INPP4B: variants seen among roughly 807,000 people sequenced by gnomAD.
INPP4B encodes the protein inositol polyphosphate 4-phosphatase type II.
Under a neutral mutation model 122.5 loss-of-function variants are expected in INPP4B, and 55 were observed. The ratio of observed to expected loss-of-function variants is 0.45; its 90% CI spans 0.36 to 0.56. The LOEUF is 0.56. INPP4B is among the 20% of genes least tolerant of loss of function. INPP4B has a pLI of 0.00. For missense variants in INPP4B, 1,000 were observed against 1,097.7 expected (o/e 0.91, Z 1.26); for synonymous variants, 403 against 388.7 (o/e 1.04, Z -0.43).
intron 12 of INPP4B, among the ~76,000 whole-genome samples, chr4:142,222,929 A>G (rs1274198366): frequency 6.6e-6 from 1 of 152,240 alleles, no homozygotes; most frequent in East Asian, 1.9e-4. Flanking sequence ...ACATTGTTTT[A>G]CCATGTATAT....
At chr4:142,270,545 T>A in intron 10 of INPP4B, 118 bp downstream of exon 10, 4 of 702,890 alleles carry the variant, frequency 5.7e-6, no homozygotes, top group Admixed American at 2.2e-5. Flanking sequence ...AGAGCTGTTG[T>A]CCCATTTAGG....
chr4:142,213,940 A>G (rs1430596740), intron 12 of INPP4B, among the ~76,000 whole-genome samples: 1 of 152,208 alleles, frequency 6.6e-6, no homozygotes, highest in African/African-American at 2.4e-5. Context: ...TCGGTGCAGT[A>G]GGACAGATGA....
rs556256980 is a variant in INPP4B at position 142,704,030 on chromosome 4, C to T, written c.-191+21809G>A. On this transcript the variant is annotated intron_variant, in intron 2 of 25. Coordinates refer to ENST00000262992, the MANE Select transcript of INPP4B (RefSeq NM_001101669.3). The stretch of plus-strand genomic sequence containing the variant: ...CTCCCCAAAACCAATGAGAGTGTGT[C>T]GGTAGGAATATCTATTAGAAGAAGC... Among the ~76,000 whole-genome samples the T allele has an allele frequency of 1.8e-4, 27 of 152,120 alleles. No homozygotes were observed. In the South Asian group the frequency reaches 3.7e-3, roughly 21 times the overall value.
chr4:142,642,675 G>C (rs1750785157), intron 2 of INPP4B, among the ~76,000 whole-genome samples: 1 of 152,292 alleles, frequency 6.6e-6, no homozygotes, highest in Middle Eastern at 3.4e-3. Flanking sequence ...CTGTAGCCTT[G>C]TAGTATAGTT....
chr4:142,265,438 T>C (rs1306826466), intron 10 of INPP4B, among the ~76,000 whole-genome samples: 2 of 152,306 alleles, frequency 1.3e-5, no homozygotes, highest in East Asian at 3.9e-4. Context: ...TAACAGATAA[T>C]ATTAATTGAT....
chr4:142,077,958 C>CAA (rs34738128), intron 25 of INPP4B, among the ~76,000 whole-genome samples: 62 of 148,712 alleles, frequency 4.2e-4, no homozygotes, highest in Middle Eastern at 3.4e-3. Context: ...CCTTTAACAA[C>CAA]AAAAAAAAAA....
intron 17 of INPP4B, among the ~76,000 whole-genome samples, chr4:142,159,406 T>A (rs1818901762): frequency 6.6e-6 from 1 of 152,038 alleles, no homozygotes; most frequent in Admixed American, 6.6e-5. Context: ...ACCTCTGTCA[T>A]TTTTGTGATA....
In INPP4B at chr4:142,625,537, C is replaced by T. The variant is rs575941999; in HGVS notation, c.-191+100302G>A. Among the ~76,000 whole-genome samples the T allele has an allele frequency of 5.9e-5, 9 of 152,086 alleles. No homozygotes were observed. The South Asian group carries it at 8.3e-4, about 14-fold the overall frequency. ...GCTCATGGGTAGGAAGAATCAATAT[C>T]GTGAAAATGGCCATACTGCCCAAGG... On this transcript the variant is annotated intron_variant, in intron 2 of 25. Transcript: ENST00000262992.
chr4:142,652,506 A>G (rs963342879), intron 2 of INPP4B, among the ~76,000 whole-genome samples: 2 of 152,222 alleles, frequency 1.3e-5, no homozygotes, highest in Admixed American at 6.5e-5. Context: ...TAAGCTGATC[A>G]GCAACTTCAG....
intron 2 of INPP4B, among the ~76,000 whole-genome samples, chr4:142,572,556 A>G (rs1368629033): frequency 6.6e-6 from 1 of 152,104 alleles, no homozygotes; most frequent in Non-Finnish European, 1.5e-5. Context: ...AAATGACTTT[A>G]ATTCTCAGTT....
At chr4:142,723,408 A>G (rs10857399) in intron 2 of INPP4B, among the ~76,000 whole-genome samples, 100,528 of 151,900 alleles carry the variant, frequency 0.66, 33,461 homozygotes, top group East Asian at 0.81. Flanking sequence ...TAATCCTACC[A>G]TGGTATACCT....
chr4:142,730,001 C>T (rs1055052712), intron 1 of INPP4B, among the ~76,000 whole-genome samples: 1 of 152,092 alleles, frequency 6.6e-6, no homozygotes, highest in Non-Finnish European at 1.5e-5. Context: ...CAAGAGATAC[C>T]TTTTAAACTC....
At chr4:142,632,132 G>A (rs2150428053) in intron 2 of INPP4B, among the ~76,000 whole-genome samples, 1 of 152,276 alleles carries the variant, frequency 6.6e-6, no homozygotes, top group African/African-American at 2.4e-5. Flanking sequence ...ACTAAGGACA[G>A]TAAATTAAGT....
rs181583860 is a variant in INPP4B, at chr4:142,401,836, A to G, written c.372+1102T>C. On this transcript the variant is annotated intron_variant, in intron 7 of 25. Transcript: ENST00000262992. Reference sequence around the variant, plus strand: ...AGATAGCCACAACTGTTTTGTTTCCATGTACATATGCTGTGCATTTACTTG... The same window carrying G: ...AGATAGCCACAACTGTTTTGTTTCCGTGTACATATGCTGTGCATTTACTTG... 4.9e-3 allele frequency among the ~76,000 whole-genome samples: 746 copies of G among 152,330 alleles called. 4 individuals are homozygous for G. Among genetic ancestry groups the G allele is most frequent in the South Asian group, 0.012 (59 of 4,832 alleles).
intron 2 of INPP4B, among the ~76,000 whole-genome samples, chr4:142,561,288 TA>T (rs1449971420): frequency 6.6e-6 from 1 of 152,212 alleles, no homozygotes; most frequent in Non-Finnish European, 1.5e-5. Context: ...TACTTGAGAT[TA>T]AAAAAATACT....
At chr4:142,538,264 C>T (rs1828525287) in intron 2 of INPP4B, among the ~76,000 whole-genome samples, 1 of 152,008 alleles carries the variant, frequency 6.6e-6, no homozygotes, top group African/African-American at 2.4e-5. Flanking sequence ...ATCCACATGG[C>T]AAGAAGGGCA....
At chr4:142,176,448 C>T (rs1828327477) in intron 15 of INPP4B, among the ~76,000 whole-genome samples, 1 of 151,920 alleles carries the variant, frequency 6.6e-6, no homozygotes, top group Non-Finnish European at 1.5e-5. Flanking sequence ...ATCAATATTG[C>T]CTTCCTTCTT....
rs537290313 is a variant in INPP4B, at chr4:142,549,624, G to A, written c.-190-86898C>T. On this transcript the variant is annotated intron_variant, in intron 2 of 25. Coordinates refer to ENST00000262992, the MANE Select transcript of INPP4B (RefSeq NM_001101669.3). ...ATATTGAAAATAAGTACAACGAAAG[G>A]GGCAGAGACTGTGTGCCTTTTTTAT... Among the ~76,000 whole-genome samples the A allele has an allele frequency of 2.0e-5, 3 of 152,208 alleles. No homozygotes were observed. In the South Asian group the frequency reaches 6.2e-4, roughly 32 times the overall value.
intron 2 of INPP4B, among the ~76,000 whole-genome samples, chr4:142,509,424 G>A (rs1285421909): frequency 6.6e-6 from 1 of 151,488 alleles, no homozygotes; most frequent in Non-Finnish European, 1.5e-5. Context: ...TCCCCTCTCT[G>A]TGTCCATGTG....
Sources: gnomAD v4.1 joint callset for allele counts (sites outside exome capture counted in the v4.1 genomes callset) on GRCh38, gnomAD v4.1.1 for gene constraint, MANE v1.5 for transcripts, NCBI Gene and HGNC (gene_info 2026-07-23, HGNC 2026-07-21) for gene names.